The following CDH8 variants were observed in gnomAD, a reference collection of about 807,000 sequenced individuals.
CDH8 encodes cadherin 8, also known as cadherin-8.
CDH8 carries 17 observed loss-of-function variants against 68.1 expected under a neutral mutation model. The ratio of observed to expected loss-of-function variants is 0.25; its 90% confidence interval spans 0.17 to 0.37. The LOEUF (loss-of-function observed/expected upper bound fraction) is 0.37, where lower values mean the gene tolerates loss of function less well. Among genes scored for constraint, CDH8 ranks in the 10% least tolerant of loss-of-function variants. CDH8 has a pLI of 1.00. For synonymous variants in CDH8, 372 were observed against 365.1 expected, an observed-to-expected ratio of 1.02 and a Z score of -0.21; for missense variants, 763 against 999.3, an observed-to-expected ratio of 0.76 and a Z score of 3.19.
At chr16:61,841,755 G>T (rs777703526) in intron 4 of CDH8, among the ~76,000 whole-genome samples, 1 of 152,056 alleles carries the variant, frequency 6.6e-6, no homozygotes, top group Non-Finnish European at 1.5e-5. Context: ...TTACATGCTT[G>T]TATCAAAACA....
intron 8 of CDH8, among the ~76,000 whole-genome samples, chr16:61,769,280 T>C (rs1469645047): frequency 2.6e-5 from 4 of 151,916 alleles, no homozygotes; most frequent in African/African-American, 7.2e-5. Context: ...TAAAAGTCTG[T>C]TGCCCCATTC....
chr16:62,005,417 C>A (rs140473093), intron 2 of CDH8, among the ~76,000 whole-genome samples: 1 of 152,128 alleles, frequency 6.6e-6, no homozygotes. Context: ...CAAGGCAGTA[C>A]AGGCTTTTGA....
At chr16:61,777,732 G>A (rs1236801505) in intron 8 of CDH8, among the ~76,000 whole-genome samples, 2 of 152,124 alleles carry the variant, frequency 1.3e-5, no homozygotes, top group Admixed American at 6.5e-5. Context: ...GGGGTAGCCA[G>A]AGAGTCACAA....
At chr16:61,939,402 T>C (rs1964677246) in intron 2 of CDH8, among the ~76,000 whole-genome samples, 1 of 152,284 alleles carries the variant, frequency 6.6e-6, no homozygotes, top group Admixed American at 6.5e-5. Context: ...TAAACAAAGC[T>C]TGAAGATGGG....
intron 8 of CDH8, among the ~76,000 whole-genome samples, chr16:61,738,046 G>A (rs1019033214): frequency 1.3e-5 from 2 of 152,064 alleles, no homozygotes; most frequent in African/African-American, 2.4e-5. Flanking sequence ...AATGAACAAA[G>A]CTTATAAGTT....
intron 3 of CDH8, among the ~76,000 whole-genome samples, chr16:61,897,723 T>C (rs892487276): frequency 3.3e-5 from 5 of 152,172 alleles, no homozygotes; most frequent in Non-Finnish European, 7.3e-5. Context: ...GCAGCAATCA[T>C]TCATCAAAAC....
intron 2 of CDH8, among the ~76,000 whole-genome samples, chr16:61,911,189 T>C (rs761835495): frequency 5.1e-4 from 78 of 152,096 alleles, no homozygotes; most frequent in Non-Finnish European, 2.8e-4. Flanking sequence ...GATGGATGAA[T>C]GGATGGATAG....
chr16:61,748,219 GTCATCA>G (rs60615047), intron 8 of CDH8, among the ~76,000 whole-genome samples: 1 of 150,840 alleles, frequency 6.6e-6, no homozygotes. Context: ...ATTTGAGAAT[GTCATCA>G]TCATCATCAT....
chr16:61,834,127 C>T (rs1597005621), intron 4 of CDH8, among the ~76,000 whole-genome samples: 1 of 151,790 alleles, frequency 6.6e-6, no homozygotes, highest in Non-Finnish European at 1.5e-5. Flanking sequence ...GAGAGAAAAA[C>T]GTGGTAATTG....
At chr16:61,654,219 A>G (rs1181096613) in intron 11 of CDH8, 118 bp from the exon 12 acceptor site, 28 of 785,044 alleles carry the variant, frequency 3.6e-5, no homozygotes, top group South Asian at 9.4e-5. Flanking sequence ...ATACACCTTT[A>G]ATAATATTTA....
chr16:61,761,865 T>C (rs1377580852), intron 8 of CDH8, among the ~76,000 whole-genome samples: 5 of 152,062 alleles, frequency 3.3e-5, no homozygotes, highest in South Asian at 4.1e-4. Flanking sequence ...CTGGGTGTGG[T>C]GGCACATGCT....
intron 8 of CDH8, among the ~76,000 whole-genome samples, chr16:61,750,690 A>G (rs1960138029): frequency 6.6e-6 from 1 of 152,094 alleles, no homozygotes; most frequent in African/African-American, 2.4e-5. Flanking sequence ...GATTCTCTAC[A>G]AAAAATAAAA....
intron 7 of CDH8, among the ~76,000 whole-genome samples, chr16:61,795,865 T>C (rs973745469): frequency 1.3e-5 from 2 of 152,094 alleles, no homozygotes; most frequent in Non-Finnish European, 2.9e-5. Flanking sequence ...TATATCATGT[T>C]TCCTTGCTCA....
At position 61,719,689 on chromosome 16, in the gene CDH8, A is replaced by C. The variant is rs1959202619; in HGVS notation, c.1537-5731T>G. Among the ~76,000 whole-genome samples the C allele has an allele frequency of 2.7e-5, 4 of 150,938 alleles. No individual in the cohort carries two copies. The Admixed American group carries it at 2.7e-4, about 10-fold the overall frequency. On this transcript the variant is annotated intron_variant, in intron 9 of 11. Coordinates refer to ENST00000577390, the MANE Select transcript of CDH8 (RefSeq NM_001796.5). The stretch of plus-strand genomic sequence containing the variant: ...ACCATGACTCTATTGCTTTGTGGGA[A>C]TATCTCCTGATACCTCCTTAAGATT...
Position 61,652,810 on chromosome 16 carries a change from C to T in CDH8, c.*798G>A. 7.2e-7 allele frequency: 1 copy of T among 1,385,158 alleles called. No individual in the cohort carries two copies. 85.8% of individuals were successfully genotyped at this position (1,385,158 alleles called of 1,614,324 possible). On this transcript the variant is annotated 3_prime_UTR_variant, in exon 12 of 12. Transcript: ENST00000577390. ...ATTCACGCGCTAGCAATAAAACCAT[C>T]TGTCTCTTATGTAGTCCACTGTGTG...
At chr16:61,716,602 TCTCTC>T (rs1185231815) in intron 9 of CDH8, among the ~76,000 whole-genome samples, 1 of 151,660 alleles carries the variant, frequency 6.6e-6, no homozygotes, top group Admixed American at 6.6e-5. Flanking sequence ...TATTCATAGT[TCTCTC>T]CTCATAATTC....
At chr16:61,665,804 CTT>C (rs766191052) in intron 10 of CDH8, among the ~76,000 whole-genome samples, 4,391 of 121,780 alleles carry the variant, frequency 0.036, 68 homozygotes, top group African/African-American at 0.046. Flanking sequence ...TCCTTCCTTC[CTT>C]TCCCTCCTTC....
chr16:61,943,081 A>G (rs1281558134), intron 2 of CDH8, among the ~76,000 whole-genome samples: 3 of 152,204 alleles, frequency 2.0e-5, no homozygotes, highest in Non-Finnish European at 2.9e-5. Flanking sequence ...AAATCAAACC[A>G]AAACAAAAAA....
At chr16:61,928,089 G>A (rs1964484373) in intron 2 of CDH8, among the ~76,000 whole-genome samples, 1 of 152,204 alleles carries the variant, frequency 6.6e-6, no homozygotes. Context: ...CCTCACTGTG[G>A]TATTACATGG....
Sources: gnomAD v4.1 joint callset for allele counts (sites outside exome capture counted in the v4.1 genomes callset) on GRCh38, gnomAD v4.1.1 for gene constraint, MANE v1.5 for transcripts, NCBI Gene and HGNC (gene_info 2026-07-23, HGNC 2026-07-21) for gene names.